Variants in RYR2 observed in about 807,000 individuals in gnomAD.
RYR2 encodes the protein ryanodine receptor 2.
Under a neutral mutation model 601.1 loss-of-function variants are expected in RYR2, and 227 were observed. The observed-to-expected ratio is 0.38, with a 90% CI of 0.34 to 0.42. The LOEUF (loss-of-function observed/expected upper bound fraction) is 0.42. Among genes scored for constraint, RYR2 ranks in the 10% least tolerant of loss-of-function variants. The pLI is 1.00. For missense variants in RYR2, 4,646 were observed against 6,156.5 expected, an observed-to-expected ratio of 0.75 and a Z score of 8.21; for synonymous variants, 2,223 against 2,175.1, an observed-to-expected ratio of 1.02 and a Z score of -0.61.
intron 43 of RYR2, among the ~76,000 whole-genome samples, chr1:237,634,081 T>C (rs1056454200): frequency 6.6e-6 from 1 of 152,186 alleles, no homozygotes; most frequent in Non-Finnish European, 1.5e-5. Flanking sequence ...AGAACTACCA[T>C]ATGATCTAAC....
Position 237,159,547 on chromosome 1 carries a change from C to T in RYR2, c.49-110950C>T, listed in dbSNP as rs78430017. Among the ~76,000 whole-genome samples, 890 of 151,602 alleles carry T rather than the reference C, an allele frequency of 5.9e-3. 10 individuals carry two copies. The highest frequency in any genetic ancestry group is 0.02 in the African/African-American group (808 of 41,318). On this transcript the variant is annotated intron_variant, in intron 1 of 104. Coordinates refer to ENST00000366574, the MANE Select transcript of RYR2 (RefSeq NM_001035.3). ...TACTTACTTAAATGTGAACTCAGGC[C>T]GGGCACAGATTACGGGCTCATGCCT...
chr1:237,550,182 T>C (rs1423439717), intron 26 of RYR2, among the ~76,000 whole-genome samples: 1 of 152,230 alleles, frequency 6.6e-6, no homozygotes, highest in Non-Finnish European at 1.5e-5. Context: ...AGCACTAATT[T>C]GGCTGTTCTT....
intron 1 of RYR2, among the ~76,000 whole-genome samples, chr1:237,118,449 A>G (rs989867386): frequency 6.6e-6 from 1 of 151,446 alleles, no homozygotes; most frequent in Non-Finnish European, 1.5e-5. Context: ...GGGGAAACAC[A>G]AGTACAATTT....
At chr1:237,641,734 G>T (rs551956341) in intron 47 of RYR2, among the ~76,000 whole-genome samples, 73 of 152,176 alleles carry the variant, frequency 4.8e-4, no homozygotes, top group African/African-American at 1.7e-3. Context: ...TAGAGACGGG[G>T]TTTTGCCATG....
At chr1:237,387,085 A>C (rs1410118777) in intron 8 of RYR2, among the ~76,000 whole-genome samples, 196 bp from the exon 9 acceptor site, 1 of 152,226 alleles carries the variant, frequency 6.6e-6, no homozygotes, top group Non-Finnish European at 1.5e-5. Context: ...GTTAGAATGA[A>C]GTTTAAAAAT....
chr1:237,436,721 G>A (rs1055401529), intron 12 of RYR2, among the ~76,000 whole-genome samples: 3 of 151,300 alleles, frequency 2.0e-5, no homozygotes, highest in African/African-American at 7.3e-5. Flanking sequence ...TCCATCATCT[G>A]AGGATCTATT....
In RYR2 at chr1:237,812,252, T is replaced by C. The variant is rs948033322; in HGVS notation, c.14433+3217T>C. Among the ~76,000 whole-genome samples the C allele has an allele frequency of 5.9e-5, 9 of 152,274 alleles. No individual in the cohort carries two copies. In the East Asian group the frequency reaches 1.7e-3, roughly 29 times the overall value. On this transcript the variant is annotated intron_variant, in intron 100 of 104. Coordinates refer to ENST00000366574, the MANE Select transcript of RYR2 (RefSeq NM_001035.3). ...ACTACCTCACAGATAGTAACTTCAT[T>C]CATGCTTCTGTCATTAATTTTAGTG...
At chr1:237,588,180 A>T (rs532740536) in intron 29 of RYR2, among the ~76,000 whole-genome samples, 8 of 152,202 alleles carry the variant, frequency 5.3e-5, no homozygotes, top group African/African-American at 1.7e-4. Context: ...CTCTTCCTTG[A>T]ACACAGCTGG....
chr1:237,651,929 T>C (rs1311439557), intron 51 of RYR2, among the ~76,000 whole-genome samples: 1 of 151,582 alleles, frequency 6.6e-6, no homozygotes, highest in Admixed American at 6.6e-5. Flanking sequence ...CCCAGTTACG[T>C]GGAAGGCTGA....
chr1:237,514,995 A>G (rs1295368319), intron 24 of RYR2, among the ~76,000 whole-genome samples: 1 of 152,220 alleles, frequency 6.6e-6, no homozygotes, highest in Non-Finnish European at 1.5e-5. Flanking sequence ...ATTCCAGAAT[A>G]TCCCTTATTT....
At chr1:237,325,305 T>A (rs1017672066) in intron 2 of RYR2, among the ~76,000 whole-genome samples, 19 of 152,172 alleles carry the variant, frequency 1.2e-4, no homozygotes, top group Non-Finnish European at 2.5e-4. Flanking sequence ...GTGAACCCAT[T>A]AATGGAAAAA....
chr1:237,628,693 G>GC (rs1679940981), intron 41 of RYR2, among the ~76,000 whole-genome samples: 1 of 150,852 alleles, frequency 6.6e-6, no homozygotes, highest in African/African-American at 2.4e-5. Context: ...ATCTTTCAGT[G>GC]TTTTTTTTTA....
intron 1 of RYR2, among the ~76,000 whole-genome samples, chr1:237,058,799 CG>C (rs201016151): frequency 0.034 from 532 of 15,732 alleles, 10 homozygotes; most frequent in South Asian, 0.26. Flanking sequence ...GGAGAAGGGG[CG>C]GGGGGCCGGG....
rs1558379211 is a variant in RYR2, at chr1:237,180,600, A to ATGTATATG, written c.49-89896_49-89895insGTATATGT. On this transcript the variant is annotated intron_variant, in intron 1 of 104. Coordinates refer to ENST00000366574, the MANE Select transcript of RYR2 (RefSeq NM_001035.3). This position sits in a 1 kb window ranked among gnomAD's most constrained non-coding sequence, Gnocchi z 5.3. ...TGTGTGTATATATGTATATATAAGTATATATATGTATATATGTATATATGT... is the reference window on the plus strand; with the variant it reads ...TGTGTGTATATATGTATATATAAGTATGTATATGTATATATGTATATATGTATATATGT... 2.4e-5 allele frequency among the ~76,000 whole-genome samples: 3 copies of ATGTATATG among 123,868 alleles called. No individual in the cohort carries two copies. The highest frequency in any genetic ancestry group is 3.3e-5 in the Non-Finnish European group (2 of 59,888). The allele number at this position is 123,868 out of a possible 152,430, so 81.3% of individuals were successfully genotyped here.
chr1:237,600,576 C>T (rs1434420010), intron 34 of RYR2, among the ~76,000 whole-genome samples: 1 of 151,918 alleles, frequency 6.6e-6, no homozygotes, highest in Non-Finnish European at 1.5e-5. Context: ...AAAGCACAGG[C>T]AACAAAAGCA....
chr1:237,071,825 G>A (rs979766406), intron 1 of RYR2, among the ~76,000 whole-genome samples: 3 of 152,208 alleles, frequency 2.0e-5, no homozygotes, highest in African/African-American at 7.2e-5. Flanking sequence ...GCCCCACCCG[G>A]CTCCAGCCTT....
chr1:237,560,461 G>A (rs968528227), intron 27 of RYR2, among the ~76,000 whole-genome samples: 17 of 152,212 alleles, frequency 1.1e-4, no homozygotes, highest in African/African-American at 4.1e-4. Flanking sequence ...GGGCTTTGGA[G>A]GAACTCCAGC....
intron 4 of RYR2, among the ~76,000 whole-genome samples, chr1:237,358,099 G>T (rs757965299): frequency 2.6e-5 from 4 of 152,034 alleles, no homozygotes; most frequent in Non-Finnish European, 5.9e-5. Flanking sequence ...CCTAACCCAG[G>T]ACTATTGAGA....
At chr1:237,387,656 A>T (rs950260858) in intron 9 of RYR2, among the ~76,000 whole-genome samples, 2 of 151,976 alleles carry the variant, frequency 1.3e-5, no homozygotes, top group African/African-American at 2.4e-5. Flanking sequence ...TGTTTTCTTC[A>T]ATTTTTTGAC....
Sources: gnomAD v4.1 joint callset for allele counts (sites outside exome capture counted in the v4.1 genomes callset) on GRCh38, gnomAD v4.1.1 for gene constraint, Gnocchi (gnomAD v3.1) non-coding constraint, MANE v1.5 for transcripts, NCBI Gene and HGNC (gene_info 2026-07-23, HGNC 2026-07-21) for gene names.